PCDHA8: variants seen among roughly 807,000 people sequenced by gnomAD.
The protein encoded by PCDHA8 is protocadherin alpha-8.
A neutral mutation model predicts 61.8 loss-of-function variants in PCDHA8; 53 were observed. The ratio of observed to expected loss-of-function variants is 0.86; its 90% CI spans 0.69 to 1.08. The LOEUF is 1.08. Among genes scored for constraint, PCDHA8 ranks in the 50% least tolerant of loss-of-function variants. PCDHA8 has a pLI of 0.00. For missense variants in PCDHA8, 1,293 were observed against 1,245.0 expected (o/e 1.04, Z -0.58); for synonymous variants, 618 against 556.6 (o/e 1.11, Z -1.55).
At chr5:140,844,886 G>A (rs1779598763) in intron 1 of PCDHA8, among the ~76,000 whole-genome samples, 1 of 149,368 alleles carries the variant, frequency 6.7e-6, no homozygotes, top group Admixed American at 6.7e-5. Context: ...TAGACTTCGT[G>A]CATATTGCTT....
intron 2 of PCDHA8, among the ~76,000 whole-genome samples, chr5:140,981,266 A>C (rs1355658823): frequency 6.6e-6 from 1 of 152,166 alleles, no homozygotes; most frequent in Non-Finnish European, 1.5e-5. Context: ...AAGATAAGCA[A>C]ATGTCTAGTT....
intron 1 of PCDHA8, among the ~76,000 whole-genome samples, chr5:140,941,202 C>CCTTTCTTCCTTCCTTTCTTTCTTTCTTT (rs1394736170): frequency 4.9e-5 from 6 of 122,740 alleles, no homozygotes; most frequent in Admixed American, 1.7e-4. Context: ...TTTCTTTCTT[C>CCTTTCTTCCTTCCTTTCTTTCTTTCTTT]CTTTCTTTCT....
At position 140,877,889 on chromosome 5, in the gene PCDHA8, G is replaced by A. The variant is rs904032241; in HGVS notation, c.2394+34174G>A. On this transcript the variant is annotated intron_variant, in intron 1 of 3. Coordinates refer to ENST00000531613, the MANE Select transcript of PCDHA8 (RefSeq NM_018911.3). ...ATATTTGTTTCCTTGAAGAACTTCC[G>A]TTTAGGTTATAACTACATTCTCTCA... 3.3e-5 allele frequency: 48 copies of A among 1,457,998 alleles called. No homozygotes were observed. The African/African-American group carries it at 6.0e-4, about 18-fold the overall frequency. 90.3% of individuals were successfully genotyped at this position (1,457,998 alleles called of 1,614,324 possible). A position where few individuals can be genotyped will look rare whatever the true frequency, so the allele number is the denominator to read the frequency against.
At chr5:140,975,847 C>T (rs895067113) in intron 1 of PCDHA8, among the ~76,000 whole-genome samples, 1 of 152,100 alleles carries the variant, frequency 6.6e-6, no homozygotes, top group East Asian at 1.9e-4. Flanking sequence ...TTCAGTAATA[C>T]TACATCACCC....
At chr5:140,863,914 T>C (rs2048229981) in intron 1 of PCDHA8, 1 of 162,444 alleles carries the variant, frequency 6.2e-6, no homozygotes, top group Non-Finnish European at 1.4e-5. Context: ...GGCACAAGAA[T>C]TGCTTGAACC....
intron 1 of PCDHA8, among the ~76,000 whole-genome samples, chr5:140,908,762 C>T (rs962553584): frequency 7.9e-5 from 12 of 152,104 alleles, no homozygotes; most frequent in Admixed American, 2.6e-4. Flanking sequence ...ACAGCCTGGA[C>T]GTGTTGTAGA....
At chr5:140,918,155 A>T (rs1453787502) in intron 1 of PCDHA8, among the ~76,000 whole-genome samples, 1 of 152,054 alleles carries the variant, frequency 6.6e-6, no homozygotes, top group Admixed American at 6.5e-5. Flanking sequence ...GTGTATGTCT[A>T]TTGTAAATGG....
chr5:140,961,715 A>G (rs1363525264), intron 1 of PCDHA8, among the ~76,000 whole-genome samples: 2 of 152,160 alleles, frequency 1.3e-5, no homozygotes, highest in Non-Finnish European at 2.9e-5. Flanking sequence ...TTCATTTCTA[A>G]GTGCTCATAA....
At chr5:140,985,783 A>G (rs1587112463) in intron 3 of PCDHA8, among the ~76,000 whole-genome samples, 1 of 125,324 alleles carries the variant, frequency 8.0e-6, no homozygotes, top group Non-Finnish European at 1.6e-5. Context: ...TCTGTCGCCC[A>G]GGCTGGAGTG....
chr5:140,927,068 C>T, intron 1 of PCDHA8: 1 of 1,611,218 alleles, frequency 6.2e-7, no homozygotes, highest in Non-Finnish European at 8.5e-7. Context: ...CGCTTCCTTT[C>T]CAGCCACCGC....
chr5:140,969,642 A>G (rs2096350693), intron 1 of PCDHA8: 1 of 206,874 alleles, frequency 4.8e-6, no homozygotes, highest in African/African-American at 2.4e-5. Context: ...GCCTTGGAAT[A>G]GGGATTATGT....
chr5:140,870,260 G>C, intron 1 of PCDHA8: 3 of 1,614,200 alleles, frequency 1.9e-6, no homozygotes, highest in Non-Finnish European at 2.5e-6. Flanking sequence ...CAGGTGACCT[G>C]CTCGCTGACG....
intron 1 of PCDHA8, among the ~76,000 whole-genome samples, chr5:140,891,754 T>C (rs1221942340): frequency 6.6e-6 from 1 of 152,174 alleles, no homozygotes; most frequent in Non-Finnish European, 1.5e-5. Flanking sequence ...ACAACAGTGT[T>C]GGGAGGTGGG....
At chr5:140,915,535 A>G (rs1482564103) in intron 1 of PCDHA8, among the ~76,000 whole-genome samples, 1 of 152,002 alleles carries the variant, frequency 6.6e-6, no homozygotes, top group African/African-American at 2.4e-5. Context: ...ACCATCTTGG[A>G]GGTCTTGAAT....
chr5:140,917,333 G>T (rs1301739777), intron 1 of PCDHA8, among the ~76,000 whole-genome samples: 6 of 148,632 alleles, frequency 4.0e-5, no homozygotes, highest in East Asian at 2.0e-4. Context: ...GCGGGGGAGG[G>T]GGGGGATGGT....
chr5:141,010,199 T>G lies in PCDHA8; in HGVS notation c.*262T>G. On this transcript the variant is annotated 3_prime_UTR_variant, in exon 4 of 4. Coordinates refer to ENST00000531613, the MANE Select transcript of PCDHA8 (RefSeq NM_018911.3). Reference sequence around the variant, plus strand: ...AAGCAGACCCAAGTTTCCTTTCTCCTCCGCCGCAAAGGAGAGGCTTCCCAG... The same window carrying G: ...AAGCAGACCCAAGTTTCCTTTCTCCGCCGCCGCAAAGGAGAGGCTTCCCAG... The G allele has an allele frequency of 1.3e-6, 2 of 1,551,990 alleles. No homozygotes were observed. Among genetic ancestry groups the G allele is most frequent in the South Asian group, 1.2e-5 (1 of 84,106 alleles).
intron 1 of PCDHA8, chr5:140,927,135 G>T: frequency 6.2e-7 from 1 of 1,614,062 alleles, no homozygotes; most frequent in Non-Finnish European, 8.5e-7. Flanking sequence ...GAGAGCCGGC[G>T]GACCGCGAAC....
chr5:140,973,329 G>A (rs1303671094), intron 1 of PCDHA8, among the ~76,000 whole-genome samples: 6 of 152,112 alleles, frequency 3.9e-5, no homozygotes, highest in Non-Finnish European at 7.3e-5. Flanking sequence ...GTTTACACTC[G>A]TTGTAAAGTG....
intron 1 of PCDHA8, among the ~76,000 whole-genome samples, chr5:140,917,939 G>A (rs1408047210): frequency 6.6e-6 from 1 of 151,830 alleles, no homozygotes; most frequent in African/African-American, 2.4e-5. Context: ...AAATAATATT[G>A]GTAGTTTGAT....
Sources: gnomAD v4.1 joint callset for allele counts (sites outside exome capture counted in the v4.1 genomes callset) on GRCh38, gnomAD v4.1.1 for gene constraint, MANE v1.5 for transcripts, NCBI Gene and HGNC (gene_info 2026-07-23, HGNC 2026-07-21) for gene names.